The following ATXN1 variants were observed in gnomAD, a reference collection of about 807,000 sequenced individuals.
ATXN1 encodes ataxin-1.
A neutral mutation model predicts 56.4 loss-of-function variants in ATXN1; 8 were observed. The observed-to-expected ratio is 0.14, with a 90% CI of 0.08 to 0.26. The LOEUF (loss-of-function observed/expected upper bound fraction) is 0.26. ATXN1 is among the 10% of genes least tolerant of loss of function. The probability of loss-of-function intolerance (pLI) is 1.00; values close to 1 mark genes in which losing one functional copy is unlikely to be tolerated. For missense variants in ATXN1, 987 were observed against 1,106.5 expected (o/e 0.89, Z 1.53); for synonymous variants, 514 against 494.6 (o/e 1.04, Z -0.52).
intron 6 of ATXN1, among the ~76,000 whole-genome samples, chr6:16,471,711 G>GTGTGTGTA (rs2113639669): frequency 6.6e-6 from 1 of 151,900 alleles, no homozygotes; most frequent in South Asian, 2.1e-4. Context: ...GTGTGTGTGT[G>GTGTGTGTA]AGACAGAAAG....
At chr6:16,422,365 T>C (rs2113567714) in intron 6 of ATXN1, among the ~76,000 whole-genome samples, 2 of 152,330 alleles carry the variant, frequency 1.3e-5, no homozygotes, top group East Asian at 3.9e-4. Context: ...GCCACAGTAG[T>C]TCCCATTCTC....
At chr6:16,743,080 T>G (rs940231959) in intron 2 of ATXN1, among the ~76,000 whole-genome samples, 13 of 152,216 alleles carry the variant, frequency 8.5e-5, no homozygotes, top group African/African-American at 2.9e-4. Flanking sequence ...ATAGCTGCAT[T>G]TCTAAAAATC....
At chr6:16,549,896 CAAAAAAAAAAAAA>C (rs66603893) in intron 4 of ATXN1, among the ~76,000 whole-genome samples, 2 of 66,784 alleles carry the variant, frequency 3.0e-5, no homozygotes, top group Non-Finnish European at 5.4e-5. Context: ...AACTCTGTCT[CAAAAAAAAAAAAA>C]AAAAAAAAGG....
intron 4 of ATXN1, among the ~76,000 whole-genome samples, chr6:16,583,480 G>A (rs1035837864): frequency 6.6e-6 from 1 of 152,296 alleles, no homozygotes; most frequent in African/African-American, 2.4e-5. Flanking sequence ...TGGCGGGGGG[G>A]TCTCTTCATC....
intron 5 of ATXN1, among the ~76,000 whole-genome samples, chr6:16,487,906 T>C (rs560202831): frequency 1.3e-5 from 2 of 152,276 alleles, no homozygotes; most frequent in East Asian, 1.9e-4. Context: ...GGTTTCCAGG[T>C]AGAGGAAACA....
At chr6:16,314,647 G>T (rs1464152986) in intron 7 of ATXN1, among the ~76,000 whole-genome samples, 1 of 151,334 alleles carries the variant, frequency 6.6e-6, no homozygotes, top group African/African-American at 2.4e-5. Flanking sequence ...ATGGAGTCTT[G>T]CTCTGTTGCC....
At chr6:16,450,948 G>T (rs181507452) in intron 6 of ATXN1, among the ~76,000 whole-genome samples, 15 of 152,168 alleles carry the variant, frequency 9.9e-5, no homozygotes, top group African/African-American at 3.6e-4. Flanking sequence ...CAGGGGCGGC[G>T]GGGGTTAGAA....
At chr6:16,374,399 G>A (rs1379900518) in intron 6 of ATXN1, among the ~76,000 whole-genome samples, 1 of 152,178 alleles carries the variant, frequency 6.6e-6, no homozygotes, top group East Asian at 1.9e-4. Flanking sequence ...ACCTGAAAAT[G>A]GTTTAGCACA....
intron 4 of ATXN1, among the ~76,000 whole-genome samples, chr6:16,577,188 G>A (rs1225366027): frequency 1.3e-5 from 2 of 152,126 alleles, no homozygotes; most frequent in Non-Finnish European, 2.9e-5. Context: ...CTGCTTTAAT[G>A]TTGTTATTCA....
chr6:16,309,957 C>T (rs560343203), intron 7 of ATXN1, among the ~76,000 whole-genome samples: 1 of 152,010 alleles, frequency 6.6e-6, no homozygotes, highest in South Asian at 2.1e-4. Context: ...TCACTTGAAC[C>T]CGGGAGGCGG....
At chr6:16,544,924 C>A (rs1051636612) in intron 4 of ATXN1, among the ~76,000 whole-genome samples, 19 of 152,144 alleles carry the variant, frequency 1.2e-4, no homozygotes, top group African/African-American at 4.3e-4. Flanking sequence ...ACTTTCAGGA[C>A]AGATAAGCAG....
At chr6:16,429,098 T>TG (rs1759222803) in intron 6 of ATXN1, among the ~76,000 whole-genome samples, 1 of 152,062 alleles carries the variant, frequency 6.6e-6, no homozygotes, top group Non-Finnish European at 1.5e-5. Context: ...GACCTGTTCC[T>TG]GCACCTGTTC....
intron 6 of ATXN1, among the ~76,000 whole-genome samples, chr6:16,467,288 C>A (rs1760127097): frequency 6.6e-6 from 1 of 152,222 alleles, no homozygotes. Context: ...TATGCAGAAA[C>A]ACCCCATGAT....
chr6:16,484,806 T>C (rs1760507740), intron 6 of ATXN1, among the ~76,000 whole-genome samples: 1 of 152,192 alleles, frequency 6.6e-6, no homozygotes, highest in South Asian at 2.1e-4. Context: ...GGAACATTTT[T>C]TTTCCTTGTC....
At chr6:16,730,487 G>GTGTGTATATA (rs141836403) in intron 2 of ATXN1, among the ~76,000 whole-genome samples, 6 of 132,054 alleles carry the variant, frequency 4.5e-5, no homozygotes, top group Non-Finnish European at 8.3e-5. Flanking sequence ...AAAACAGTAT[G>GTGTGTATATA]TATATATATA....
At chr6:16,431,692 A>G (rs1759287069) in intron 6 of ATXN1, among the ~76,000 whole-genome samples, 1 of 152,238 alleles carries the variant, frequency 6.6e-6, no homozygotes, top group South Asian at 2.1e-4. Flanking sequence ...TTTACGGGCA[A>G]GAAACTAAGG....
At chr6:16,435,884 G>C (rs1205763476) in intron 6 of ATXN1, among the ~76,000 whole-genome samples, 1 of 151,998 alleles carries the variant, frequency 6.6e-6, no homozygotes, top group Non-Finnish European at 1.5e-5. Flanking sequence ...CTAGGTTGCT[G>C]TGAGGTTCTT....
chr6:16,683,648 C>A (rs1186767242), intron 2 of ATXN1, among the ~76,000 whole-genome samples: 1 of 152,168 alleles, frequency 6.6e-6, no homozygotes, highest in Non-Finnish European at 1.5e-5. Context: ...ACAAGCAAAC[C>A]TTTCATATGA....
rs1554138073 is a variant in ATXN1, at chr6:16,327,702, C to CTGA, written c.608_609insTCA (p.Gln202_Gln203insHis). On this transcript the variant is annotated inframe_insertion, in exon 7 of 8. Coordinates refer to ENST00000436367, the MANE Select transcript of ATXN1 (RefSeq NM_001128164.2). Reference sequence around the variant, plus strand: ...GATGCTGATGCTGCTGCTGCTGCTGCTGCTGCTGCTGCTGCTGCTGCTCAG... The same window carrying CTGA: ...GATGCTGATGCTGCTGCTGCTGCTGCTGATGCTGCTGCTGCTGCTGCTGCTCAG... The CTGA allele has an allele frequency of 5.0e-6, 8 of 1,599,600 alleles. No individual in the cohort carries two copies. Among genetic ancestry groups the CTGA allele is most frequent in the African/African-American group, 2.7e-5 (2 of 74,184 alleles).
Sources: gnomAD v4.1 joint callset for allele counts (sites outside exome capture counted in the v4.1 genomes callset) on GRCh38, gnomAD v4.1.1 for gene constraint, MANE v1.5 for transcripts, NCBI Gene and HGNC (gene_info 2026-07-23, HGNC 2026-07-21) for gene names.